The following ZNF865 variants were observed in gnomAD, a reference collection of about 807,000 sequenced individuals.
ZNF865 encodes zinc finger protein 865.
For missense variants in ZNF865, 1,311 were observed against 1,593.4 expected (o/e 0.82, Z 3.02); for synonymous variants, 763 against 750.8 (o/e 1.02, Z -0.27).
chr19:55,616,759 TG>T lies in ZNF865; in HGVS notation c.3143del (p.Gly1048GlufsTer34). 6.8e-7 allele frequency: 1 copy of T among 1,468,414 alleles called. No individual in the cohort carries two copies. The allele number at this position is 1,468,414 out of a possible 1,614,324, so 91.0% of individuals were successfully genotyped here. A position where few individuals can be genotyped will look rare whatever the true frequency, so the allele number is the denominator to read the frequency against. On this transcript the variant is annotated frameshift_variant, in exon 2 of 2. Coordinates refer to ENST00000568956, the MANE Select transcript of ZNF865 (RefSeq NM_001195605.2). LOFTEE classifies it high-confidence loss of function. ...ACAAGGCCGAGAACCTCGGGGGGCC[TG>T]GAGCAGGGGCGGGCACCTTGGCCGG... ...AHKAENLGGPGAGAGTLAGKD... is the reference protein window; with the variant it reads ...AHKAENLGGPXAGAGTLAGKD...
chr19:55,609,667 T>C (rs922849539), intron 1 of ZNF865, among the ~76,000 whole-genome samples: 2 of 152,152 alleles, frequency 1.3e-5, no homozygotes, highest in East Asian at 1.9e-4. Context: ...TCCCCACTTA[T>C]AAGATGGGCC....
rs1249349249 is a variant in ZNF865, at chr19:55,616,232, G to C, written c.2614G>C (p.Glu872Gln). 1 of 1,524,102 alleles carries C rather than the reference G, an allele frequency of 6.6e-7. No individual in the cohort carries two copies. The highest frequency in any genetic ancestry group is 1.4e-5 in the African/African-American group (1 of 72,008). The allele number at this position is 1,524,102 out of a possible 1,614,324, so 94.4% of individuals were successfully genotyped here. The change falls in exon 2 of 2, where the codon GAA becomes CAA. Residue 872 changes from glutamate (E) to glutamine (Q), a missense_variant. Glu to Gln is a conservative substitution (Grantham distance 29). Transcript: ENST00000568956. ...LLMRHQRCHT[E>Q]QRPYRCGVCG... ...GATGCGCCACCAGCGCTGCCACACG[G>C]AACAGCGGCCGTACCGATGTGGCGT...
chr19:55,614,330 C>A lies in ZNF865; in HGVS notation c.712C>A (p.His238Asn). The stretch of plus-strand genomic sequence containing the variant: ...CCAGAAGTCCTTCAAGCAGTCCTCG[C>A]ACCTGGTCCAGCACATGCTGGTGCA... ...VCQKSFKQSS[H>N]LVQHMLVHSG... The change falls in exon 2 of 2, where the codon CAC becomes AAC. Residue 238 changes from histidine (H) to asparagine (N), a missense_variant. By Grantham distance (68) the His-to-Asn change is moderately conservative. Transcript: ENST00000568956. This position sits in a 1 kb window ranked among gnomAD's most constrained non-coding sequence, Gnocchi z 8.0. 2 of 1,500,912 alleles carry A rather than the reference C, an allele frequency of 1.3e-6. No individual in the cohort carries two copies. Among genetic ancestry groups the A allele is most frequent in the Non-Finnish European group, 1.8e-6 (2 of 1,130,060 alleles). 93.0% of individuals were successfully genotyped at this position (1,500,912 alleles called of 1,614,324 possible).
At chr19:55,612,418 C>CT (rs1458046098) in intron 1 of ZNF865, 4 of 152,214 alleles carry the variant, frequency 2.6e-5, no homozygotes, top group Non-Finnish European at 5.9e-5. Flanking sequence ...CCCATACTGA[C>CT]TTTTTTCAGT....
Position 55,611,577 on chromosome 19 carries a change from C to T in ZNF865, c.-26-2016C>T, listed in dbSNP as rs1452305559. On this transcript the variant is annotated intron_variant, in intron 1 of 1. Transcript: ENST00000568956. This position sits in a 1 kb window ranked among gnomAD's most constrained non-coding sequence, Gnocchi z 4.5. ...TGTCCAAGGACAAGGACACCCGGAG[C>T]TGGAGACTAAAAATATCTCACTCCA... 1.3e-5 allele frequency among the ~76,000 whole-genome samples: 2 copies of T among 152,164 alleles called. No homozygotes were observed. Among genetic ancestry groups the T allele is most frequent in the East Asian group, 3.9e-4 (2 of 5,190 alleles).
In ZNF865 at chr19:55,617,007, C is replaced by A. The variant is rs947047283; in HGVS notation, c.*209C>A. ...TGCCCTCCCCTCATCCCATCAGACA[C>A]TGAACCCTATCCTCCGTCCAACCCT... On this transcript the variant is annotated 3_prime_UTR_variant, in exon 2 of 2. Coordinates refer to ENST00000568956, the MANE Select transcript of ZNF865 (RefSeq NM_001195605.2). 2.1e-6 allele frequency: 1 copy of A among 478,238 alleles called. No individual in the cohort carries two copies. Among genetic ancestry groups the A allele is most frequent in the Non-Finnish European group, 3.6e-6 (1 of 281,472 alleles). The allele number at this position is 478,238 out of a possible 1,614,324, so 29.6% of individuals were successfully genotyped here. A position where few individuals can be genotyped will look rare whatever the true frequency, so the allele number is the denominator to read the frequency against.
In ZNF865 at chr19:55,614,590, C is replaced by A. The variant is rs1316374326; in HGVS notation, c.972C>A (p.Ala324=). 2.6e-6 allele frequency: 4 copies of A among 1,518,454 alleles called. No homozygotes were observed. Among genetic ancestry groups the A allele is most frequent in the African/African-American group, 2.8e-5 (2 of 71,738 alleles). 94.1% of individuals were successfully genotyped at this position (1,518,454 alleles called of 1,614,324 possible). ...CTCCAGCCACGCCCGTGGCGCCTGCCCCCTCCGCAGACGGGAGCGCCGCCC... is the reference window on the plus strand; with the variant it reads ...CTCCAGCCACGCCCGTGGCGCCTGCACCCTCCGCAGACGGGAGCGCCGCCC... The part of the protein sequence containing the change: ...SGPPATPVAP[A]PSADGSAAPA... Residue 324 remains alanine, a synonymous_variant, in exon 2 of 2, where the codon GCC becomes GCA. Coordinates refer to ENST00000568956, the MANE Select transcript of ZNF865 (RefSeq NM_001195605.2). This position sits in a 1 kb window ranked among gnomAD's most constrained non-coding sequence, Gnocchi z 8.0.
In ZNF865 at chr19:55,616,988, C is replaced by A; in HGVS notation, c.*190C>A. 1.9e-6 allele frequency: 1 copy of A among 525,516 alleles called. No homozygotes were observed. The allele number at this position is 525,516 out of a possible 1,614,324, so 32.6% of individuals were successfully genotyped here. A position where few individuals can be genotyped will look rare whatever the true frequency, so the allele number is the denominator to read the frequency against. On this transcript the variant is annotated 3_prime_UTR_variant, in exon 2 of 2. Coordinates refer to ENST00000568956, the MANE Select transcript of ZNF865 (RefSeq NM_001195605.2). ...CTCCCATCCTCGACCTCTCTGCCCT[C>A]CCCTCATCCCATCAGACACTGAACC... is the stretch of plus-strand genomic sequence containing the variant.
intron 1 of ZNF865, among the ~76,000 whole-genome samples, chr19:55,610,194 G>T (rs866398563): frequency 6.6e-6 from 1 of 152,164 alleles, no homozygotes; most frequent in Non-Finnish European, 1.5e-5. Flanking sequence ...TGCTTTGGCT[G>T]CACCTCCTCA....
intron 1 of ZNF865, among the ~76,000 whole-genome samples, 189 bp downstream of exon 1, chr19:55,605,921 C>A (rs1980922151): frequency 1.3e-5 from 2 of 152,108 alleles, no homozygotes; most frequent in Admixed American, 1.3e-4. Context: ...CCCCCATGAA[C>A]GCCCCCAGCT....
In ZNF865 at chr19:55,611,501, C is replaced by T. The variant is rs953968642; in HGVS notation, c.-26-2092C>T. Among the ~76,000 whole-genome samples the T allele has an allele frequency of 4.6e-5, 7 of 152,206 alleles. No individual in the cohort carries two copies. Among genetic ancestry groups the T allele is most frequent in the African/African-American group, 9.7e-5 (4 of 41,440 alleles). On this transcript the variant is annotated intron_variant, in intron 1 of 1. Coordinates refer to ENST00000568956, the MANE Select transcript of ZNF865 (RefSeq NM_001195605.2). This position sits in a 1 kb window ranked among gnomAD's most constrained non-coding sequence, Gnocchi z 4.5. ...ACCCCAGCCAAGCCTGTCCTCTTTC[C>T]GGAGATCAGATTAAACGGAGGGGGT... is the stretch of plus-strand genomic sequence containing the variant.
chr19:55,613,672 C>T lies in ZNF865; in HGVS notation c.54C>T (p.Ile18=), dbSNP rs765668371. The change falls in exon 2 of 2, where the codon ATC becomes ATT. Residue 18 remains isoleucine, a synonymous_variant. Transcript: ENST00000568956. ...CCGGGGGTGGCGGGAGCAGCGGCAT[C>T]GGGGGCGAGGACGGGGTGCACTTCC... ...SGAGGGGSSG[I]GGEDGVHFQS... The T allele has an allele frequency of 8.5e-6, 13 of 1,530,694 alleles. No homozygotes were observed. In the African/African-American group the frequency reaches 1.6e-4, roughly 19 times the overall value. The allele number at this position is 1,530,694 out of a possible 1,614,324, so 94.8% of individuals were successfully genotyped here.
chr19:55,615,894 C>A lies in ZNF865; in HGVS notation c.2276C>A (p.Ala759Glu). ...LDNGLAGEVG[A>E]AVAALAGVSG... ...AACGGGCTGGCGGGGGAGGTGGGGG[C>A]GGCCGTGGCGGCACTGGCAGGGGTG... The change falls in exon 2 of 2, where the codon GCG becomes GAG. Residue 759 changes from alanine to glutamate, a missense_variant. Physicochemically the swap from Ala to Glu is moderately radical, Grantham distance 107 (BLOSUM62 -1). Transcript: ENST00000568956. 6.8e-7 allele frequency: 1 copy of A among 1,470,340 alleles called. No homozygotes were observed. The highest frequency in any genetic ancestry group is 1.4e-5 in the South Asian group (1 of 74,058). 91.1% of individuals were successfully genotyped at this position (1,470,340 alleles called of 1,614,324 possible).
intron 1 of ZNF865, among the ~76,000 whole-genome samples, chr19:55,607,885 C>T (rs963658453): frequency 1.3e-5 from 2 of 152,220 alleles, no homozygotes; most frequent in African/African-American, 4.8e-5. Flanking sequence ...CATTCATTCA[C>T]TTCTTCAAAC....
chr19:55,616,708 C>T lies in ZNF865; in HGVS notation c.3090C>T (p.Tyr1030=), dbSNP rs1372018992. 1.6e-5 allele frequency: 24 copies of T among 1,524,802 alleles called. No homozygotes were observed. The East Asian group carries it at 4.0e-4, about 25-fold the overall frequency. 94.5% of individuals were successfully genotyped at this position (1,524,802 alleles called of 1,614,324 possible). A position where few individuals can be genotyped will look rare whatever the true frequency, so the allele number is the denominator to read the frequency against. Residue 1030 remains tyrosine, a synonymous_variant, in exon 2 of 2, where the codon TAC becomes TAT. Transcript: ENST00000568956. The part of the protein sequence containing the change: ...SSCGEGFANT[Y]GLKKHRLAHK... ...GCGGCGAGGGCTTCGCCAACACCTA[C>T]GGCCTCAAGAAACACCGCCTGGCGC...
In ZNF865 at chr19:55,615,228, G is replaced by C. The variant is rs1249966699; in HGVS notation, c.1610G>C (p.Gly537Ala). ...PLLLGGAGTS[G>A]AGGSGASVPG... Reference sequence around the variant, plus strand: ...CTGCTCGGCGGCGCGGGGACCAGCGGGGCGGGAGGCTCGGGCGCCAGCGTC... The same window carrying C: ...CTGCTCGGCGGCGCGGGGACCAGCGCGGCGGGAGGCTCGGGCGCCAGCGTC... Residue 537 changes from glycine to alanine, a missense_variant, in exon 2 of 2, where the codon GGG becomes GCG. Physicochemically the swap from Gly to Ala is moderately conservative, Grantham distance 60 (BLOSUM62 0). Coordinates refer to ENST00000568956, the MANE Select transcript of ZNF865 (RefSeq NM_001195605.2). 11 of 1,503,682 alleles carry C rather than the reference G, an allele frequency of 7.3e-6. No homozygotes were observed. In the East Asian group the frequency reaches 1.6e-4, roughly 22 times the overall value. 93.1% of individuals were successfully genotyped at this position (1,503,682 alleles called of 1,614,324 possible).
Position 55,614,120 on chromosome 19 carries a change from G to A in ZNF865, c.502G>A (p.Ala168Thr), listed in dbSNP as rs2123591103. ...LFGNLKRGGP[A>T]SGPGVTPGLG... ...TGGGAACCTGAAGCGAGGAGGGCCC[G>A]CGTCCGGGCCGGGGGTGACGCCTGG... Residue 168 changes from alanine (A) to threonine (T), a missense_variant, in exon 2 of 2, where the codon GCG becomes ACG. Physicochemically the swap from Ala to Thr is moderately conservative, Grantham distance 58 (BLOSUM62 0). Transcript: ENST00000568956. This position sits in a 1 kb window ranked among gnomAD's most constrained non-coding sequence, Gnocchi z 8.0. The A allele has an allele frequency of 2.1e-6, 3 of 1,433,410 alleles. No homozygotes were observed. Among genetic ancestry groups the A allele is most frequent in the Middle Eastern group, 1.8e-4 (1 of 5,502 alleles). The allele number at this position is 1,433,410 out of a possible 1,614,324, so 88.8% of individuals were successfully genotyped here.
Position 55,615,567 on chromosome 19 carries a change from G to A in ZNF865, c.1949G>A (p.Gly650Glu). ...AGLPSTQGTPGACGPGASGTS... is the reference protein window; with the variant it reads ...AGLPSTQGTPEACGPGASGTS... ...CTCCCCTCCACCCAAGGCACACCGG[G>A]GGCCTGTGGGCCCGGGGCCTCGGGC... Residue 650 changes from glycine to glutamate, a missense_variant, in exon 2 of 2, where the codon GGG (glycine) becomes GAG (glutamate). Coordinates refer to ENST00000568956, the MANE Select transcript of ZNF865 (RefSeq NM_001195605.2). The A allele has an allele frequency of 1.3e-6, 2 of 1,527,818 alleles. No homozygotes were observed. Among genetic ancestry groups the A allele is most frequent in the Non-Finnish European group, 1.7e-6 (2 of 1,143,132 alleles). 94.6% of individuals were successfully genotyped at this position (1,527,818 alleles called of 1,614,324 possible). A position where few individuals can be genotyped will look rare whatever the true frequency, so the allele number is the denominator to read the frequency against.
Position 55,613,658 on chromosome 19 carries a change from G to C in ZNF865, c.40G>C (p.Gly14Arg), listed in dbSNP as rs1309787947. 2 of 1,527,774 alleles carry C rather than the reference G, an allele frequency of 1.3e-6. No homozygotes were observed. The highest frequency in any genetic ancestry group is 1.7e-6 in the Non-Finnish European group (2 of 1,143,092). The allele number at this position is 1,527,774 out of a possible 1,614,324, so 94.6% of individuals were successfully genotyped here. ...AGCGGGCAGCGGCGCCGGGGGTGGC[G>C]GGAGCAGCGGCATCGGGGGCGAGGA... ...NPAGSGAGGG[G>R]SSGIGGEDGV... is the part of the protein sequence containing the mutation. Residue 14 changes from glycine (G) to arginine (R), a missense_variant, in exon 2 of 2, where the codon GGG (glycine) becomes CGG (arginine). By Grantham distance (125) the Gly-to-Arg change is moderately radical. Coordinates refer to ENST00000568956, the MANE Select transcript of ZNF865 (RefSeq NM_001195605.2).
Sources: gnomAD v4.1 joint callset for allele counts (sites outside exome capture counted in the v4.1 genomes callset) on GRCh38, gnomAD v4.1.1 for gene constraint, Gnocchi (gnomAD v3.1) non-coding constraint, MANE v1.5 for transcripts, NCBI Gene and HGNC (gene_info 2026-07-23, HGNC 2026-07-21) for gene names.